The following PRICKLE2 variants were observed in gnomAD, a reference collection of about 807,000 sequenced individuals.
PRICKLE2 encodes the protein prickle-like protein 2.
A neutral mutation model predicts 81.4 loss-of-function variants in PRICKLE2; 21 were observed. The observed-to-expected ratio is 0.26, with a 90% CI of 0.18 to 0.37. The LOEUF (loss-of-function observed/expected upper bound fraction) is 0.37, where lower values mean the gene tolerates loss of function less well. Ranked by LOEUF, PRICKLE2 falls within the 10% of genes least tolerant of loss-of-function variation. The probability of loss-of-function intolerance (pLI) is 1.00; values close to 1 mark genes in which losing one functional copy is unlikely to be tolerated. For missense variants in PRICKLE2, 940 were observed against 1,109.0 expected (o/e 0.85, Z 2.16); for synonymous variants, 456 against 421.5 (o/e 1.08, Z -1.00).
Position 64,129,714 on chromosome 3 carries a change from T to C in PRICKLE2, c.1660+17116A>G, listed in dbSNP as rs144238087. ...TGGCAGCTACTGAGGTTGTTTGGGC[T>C]GAGACTCGGCTTTAATGTATAATCA... On this transcript the variant is annotated intron_variant, in intron 7 of 7. Coordinates refer to ENST00000638394, the MANE Select transcript of PRICKLE2 (RefSeq NM_198859.4). 3.0e-4 allele frequency among the ~76,000 whole-genome samples: 46 copies of C among 152,170 alleles called. 1 individual carries two copies. Among genetic ancestry groups the C allele is most frequent in the African/African-American group, 1.1e-3 (45 of 41,504 alleles).
intron 1 of PRICKLE2, among the ~76,000 whole-genome samples, chr3:64,213,583 C>G (rs17665856): frequency 0.16 from 24,876 of 152,080 alleles, 2,239 homozygotes; most frequent in Non-Finnish European, 0.19. Context: ...AAGCCAAGTA[C>G]TGTGGTTACT....
At chr3:64,236,294 A>G (rs1021322299) in intron 2 of PRICKLE2, among the ~76,000 whole-genome samples, 7 of 152,146 alleles carry the variant, frequency 4.6e-5, no homozygotes, top group Admixed American at 1.3e-4. Flanking sequence ...TGCCTGGCAC[A>G]TAGTAGGTCC....
intron 2 of PRICKLE2, among the ~76,000 whole-genome samples, chr3:64,191,434 T>C (rs1043921576): frequency 5.9e-5 from 9 of 152,182 alleles, no homozygotes; most frequent in Admixed American, 5.9e-4. Flanking sequence ...AGCCCTGTGA[T>C]CTCCAGGTCT....
In PRICKLE2 at chr3:64,231,588, C is replaced by T. The variant is rs1454997121; in HGVS notation, c.129-32621G>A. Among the ~76,000 whole-genome samples the T allele has an allele frequency of 3.3e-5, 5 of 152,208 alleles. No individual in the cohort carries two copies. In the South Asian group the frequency reaches 6.2e-4, roughly 19 times the overall value. ...AGAACATTGGCAAAATGAATGATAT[C>T]CTAGAAAAAGGCTAAAAACTCTCTG... On this transcript the variant is annotated intron_variant, in intron 2 of 8. Coordinates refer to the PRICKLE2 transcript ENST00000295902.
chr3:64,249,246 A>G (rs987409603), intron 2 of PRICKLE2, among the ~76,000 whole-genome samples: 2 of 150,860 alleles, frequency 1.3e-5, no homozygotes, highest in Non-Finnish European at 3.0e-5. Flanking sequence ...GGAAAGAAAG[A>G]AAGCGAAGGG....
chr3:64,183,995 G>A (rs1238264396), intron 2 of PRICKLE2, among the ~76,000 whole-genome samples: 2 of 152,126 alleles, frequency 1.3e-5, no homozygotes, highest in African/African-American at 4.8e-5. Flanking sequence ...CTCTGAGACT[G>A]TTTTCTTAAA....
intron 6 of PRICKLE2, among the ~76,000 whole-genome samples, chr3:64,150,142 G>C (rs1336878362): frequency 6.6e-6 from 1 of 151,948 alleles, no homozygotes; most frequent in Non-Finnish European, 1.5e-5. Context: ...ACATCACAGG[G>C]ACATGGGACT....
At chr3:64,239,071 C>T (rs534740310) in intron 2 of PRICKLE2, among the ~76,000 whole-genome samples, 13 of 152,156 alleles carry the variant, frequency 8.5e-5, no homozygotes, top group Admixed American at 1.3e-4. Context: ...CAGGCCCAGA[C>T]GGATGTCAGA....
At chr3:64,240,903 G>A (rs540407367) in intron 2 of PRICKLE2, among the ~76,000 whole-genome samples, 1 of 152,244 alleles carries the variant, frequency 6.6e-6, no homozygotes, top group East Asian at 1.9e-4. Flanking sequence ...AAGAGGAAGG[G>A]GTGAGCAATG....
chr3:64,140,306 A>T (rs2107002691), intron 7 of PRICKLE2, among the ~76,000 whole-genome samples: 1 of 152,296 alleles, frequency 6.6e-6, no homozygotes, highest in Non-Finnish European at 1.5e-5. Flanking sequence ...CTCTCATACT[A>T]TTCTGCTATA....
chr3:64,136,169 G>T (rs533147494), intron 7 of PRICKLE2, among the ~76,000 whole-genome samples: 23 of 152,094 alleles, frequency 1.5e-4, no homozygotes, highest in African/African-American at 9.7e-5. Flanking sequence ...TTTGAGAGGA[G>T]ATATAATCCA....
At chr3:64,100,921 T>G (rs926127995) in intron 7 of PRICKLE2, 1 of 152,218 alleles carries the variant, frequency 6.6e-6, no homozygotes, top group Non-Finnish European at 1.5e-5. Flanking sequence ...ATAGACAACA[T>G]GCCTTTGGAT....
At chr3:64,199,082 G>C in intron 1 of PRICKLE2, 115 bp from the exon 2 acceptor site, 1 of 921,892 alleles carries the variant, frequency 1.1e-6, no homozygotes, top group East Asian at 2.6e-5. Context: ...CTTGGCAATG[G>C]GCATCGGGCA....
At chr3:64,142,618 G>T (rs559120956) in intron 7 of PRICKLE2, among the ~76,000 whole-genome samples, 3 of 152,214 alleles carry the variant, frequency 2.0e-5, no homozygotes, top group African/African-American at 7.2e-5. Context: ...GCCCATGCAG[G>T]AGTATTTTCA....
chr3:64,259,888 T>C (rs1396670066), intron 2 of PRICKLE2, among the ~76,000 whole-genome samples: 1 of 152,106 alleles, frequency 6.6e-6, no homozygotes, highest in East Asian at 1.9e-4. Context: ...TCCAGAACAG[T>C]AAGAGAATAA....
At chr3:64,170,778 G>A (rs2077917047) in intron 2 of PRICKLE2, among the ~76,000 whole-genome samples, 1 of 151,692 alleles carries the variant, frequency 6.6e-6, no homozygotes, top group Non-Finnish European at 1.5e-5. Context: ...TGGAGGCTGA[G>A]CTGGGAGGAT....
chr3:64,116,898 A>T (rs566338946), intron 7 of PRICKLE2, among the ~76,000 whole-genome samples: 2 of 152,292 alleles, frequency 1.3e-5, no homozygotes, highest in African/African-American at 4.8e-5. Context: ...AACAACAACA[A>T]CAAAAAGTCA....
At position 64,263,010 on chromosome 3, in the gene PRICKLE2, T is replaced by C. The variant is rs538041611; in HGVS notation, c.129-64043A>G. ...TCCAGGGTCACATTAGCACAGAACA[T>C]GCAACATCAAGCCTCAATGGGTTTC... On this transcript the variant is annotated intron_variant, in intron 2 of 8. Transcript: ENST00000295902. Among the ~76,000 whole-genome samples, 262 of 152,234 alleles carry C rather than the reference T, an allele frequency of 1.7e-3. 2 individuals carry two copies. The highest frequency in any genetic ancestry group is 6.1e-3 in the African/African-American group (254 of 41,546).
intron 5 of PRICKLE2, chr3:64,154,934 A>T (rs977906174): frequency 6.6e-6 from 1 of 151,982 alleles, no homozygotes. Flanking sequence ...GGATCACATG[A>T]GGCCAGAAGT....
Sources: allele counts gnomAD v4.1 joint callset (sites outside exome capture counted in the v4.1 genomes callset), GRCh38; gene constraint gnomAD v4.1.1; transcripts MANE v1.5; gene names NCBI Gene and HGNC (gene_info 2026-07-23, HGNC 2026-07-21).